The following ALMS1 variants were observed in gnomAD, a reference collection of about 807,000 sequenced individuals.
The protein encoded by ALMS1 is ALMS1 centrosome and basal body associated protein, also known as centrosome-associated protein ALMS1.
A neutral mutation model predicts 352.2 loss-of-function variants in ALMS1; 271 were observed. The observed-to-expected ratio is 0.77, with a 90% CI of 0.70 to 0.85. The LOEUF (loss-of-function observed/expected upper bound fraction) is 0.85. ALMS1 is among the 40% of genes least tolerant of loss of function. The pLI, the probability that ALMS1 is intolerant of heterozygous loss-of-function variation, is 0.00. For synonymous variants in ALMS1, 1,865 were observed against 1,761.2 expected (o/e 1.06, Z -1.48); for missense variants, 5,445 against 4,870.7 (o/e 1.12, Z -3.51).
At chr2:73,604,261 G>T (rs1675766283) in intron 21 of ALMS1, among the ~76,000 whole-genome samples, 1 of 152,166 alleles carries the variant, frequency 6.6e-6, no homozygotes, top group Non-Finnish European at 1.5e-5. Context: ...TGTTGAATGT[G>T]GTGGTACATT....
chr2:73,396,550 CTT>C (rs60473435), intron 1 of ALMS1, among the ~76,000 whole-genome samples: 1 of 78,258 alleles, frequency 1.3e-5, no homozygotes, highest in Non-Finnish European at 2.3e-5. Flanking sequence ...GGTCTGAGCT[CTT>C]TTTTTTTTTT....
At chr2:73,463,183 C>A (rs1458524023) in intron 9 of ALMS1, among the ~76,000 whole-genome samples, 1 of 152,204 alleles carries the variant, frequency 6.6e-6, no homozygotes, top group East Asian at 1.9e-4. Context: ...CGCACCTATT[C>A]CAAAACTGAC....
chr2:73,600,902 C>T (rs1327018994), intron 18 of ALMS1, 21 bp downstream of exon 18: 4 of 1,605,972 alleles, frequency 2.5e-6, no homozygotes, highest in Non-Finnish European at 3.4e-6. Context: ...CATTCCAGAT[C>T]TTGTAGTAGA....
In ALMS1 at chr2:73,452,603, A is replaced by G. The variant is rs191286546; in HGVS notation, c.6076A>G (p.Lys2026Glu). 52 of 1,614,116 alleles carry G rather than the reference A, an allele frequency of 3.2e-5. No homozygotes were observed. Among genetic ancestry groups the G allele is most frequent in the Middle Eastern group, 1.6e-4 (1 of 6,062 alleles). Residue 2026 changes from lysine (K) to glutamate (E), a missense_variant, in exon 8 of 23, where the codon AAG (lysine) becomes GAG (glutamate). Coordinates refer to ENST00000613296, the MANE Select transcript of ALMS1 (RefSeq NM_001378454.1). ...TTCCTACTCACAAATAGAGAAGCCC[A>G]AGATTTCAACTGTGATTGGACCAAA... Reference protein sequence around the residue: ...LSSYSQIEKPKISTVIGPNDQ... With the variant: ...LSSYSQIEKPEISTVIGPNDQ...
chr2:73,405,692 G>A (rs1670959028), intron 1 of ALMS1, among the ~76,000 whole-genome samples: 1 of 151,014 alleles, frequency 6.6e-6, no homozygotes, highest in South Asian at 2.1e-4. Flanking sequence ...TTTAAATATA[G>A]GCATTTACGA....
intron 10 of ALMS1, among the ~76,000 whole-genome samples, chr2:73,491,847 T>C (rs1187571424): frequency 6.6e-6 from 1 of 152,164 alleles, no homozygotes; most frequent in African/African-American, 2.4e-5. Flanking sequence ...TGCACACACA[T>C]ACATGGGTGC....
Position 73,453,703 on chromosome 2 carries a change from T to C in ALMS1, c.7176T>C (p.Pro2392=). The part of the protein sequence containing the change: ...QAAKSVMRSE[P]EGCSGTIGNK... ...CCAAATCTGTAATGAGGTCTGAACC[T>C]GAAGGGTGTAGTGGAACCATTGGGA... is the stretch of plus-strand genomic sequence containing the variant. The change falls in exon 8 of 23, where the codon CCT becomes CCC. Residue 2392 remains proline, a synonymous_variant. Transcript: ENST00000613296. 3.7e-6 allele frequency: 6 copies of C among 1,614,146 alleles called. No individual in the cohort carries two copies. The highest frequency in any genetic ancestry group is 5.1e-6 in the Non-Finnish European group (6 of 1,180,014).
In ALMS1 at chr2:73,609,676, T is replaced by C; in HGVS notation, c.*64T>C. ...TATGAACCTAGAGAAGCAGAATCCT[T>C]ACTTTTGTGAGTCTGGTTGAATAAA... On this transcript the variant is annotated 3_prime_UTR_variant, in exon 23 of 23. Coordinates refer to ENST00000613296, the MANE Select transcript of ALMS1 (RefSeq NM_001378454.1). 2 of 1,486,836 alleles carry C rather than the reference T, an allele frequency of 1.3e-6. No homozygotes were observed. Among genetic ancestry groups the C allele is most frequent in the South Asian group, 2.3e-5 (2 of 88,468 alleles). The allele number at this position is 1,486,836 out of a possible 1,614,324, so 92.1% of individuals were successfully genotyped here.
chr2:73,491,788 C>G (rs183244961), intron 10 of ALMS1, among the ~76,000 whole-genome samples: 1 of 152,156 alleles, frequency 6.6e-6, no homozygotes, highest in Admixed American at 6.5e-5. Context: ...GATACAATTA[C>G]GAATTTATTT....
At chr2:73,462,827 C>T (rs1672235762) in intron 9 of ALMS1, 2 of 152,040 alleles carry the variant, frequency 1.3e-5, no homozygotes, top group Non-Finnish European at 2.9e-5. Flanking sequence ...ATAAAACAAA[C>T]TTTAAACCAA....
intron 10 of ALMS1, among the ~76,000 whole-genome samples, chr2:73,499,797 T>A (rs1370116829): frequency 4.6e-5 from 7 of 152,160 alleles, no homozygotes; most frequent in Non-Finnish European, 5.9e-5. Flanking sequence ...GTGACCTCCC[T>A]GTGGTAATGA....
At chr2:73,556,820 A>G (rs955591661) in intron 13 of ALMS1, among the ~76,000 whole-genome samples, 1 of 151,982 alleles carries the variant, frequency 6.6e-6, no homozygotes, top group Non-Finnish European at 1.5e-5. Flanking sequence ...CTCCTGCATC[A>G]GCCTCCTGAG....
In ALMS1 at chr2:73,489,723, G is replaced by A. The variant is rs565248215; in HGVS notation, c.7764G>A (p.Arg2588=). ...IIESHEKGCF[R]TLTSEHPQLD... ...AGAGCCATGAAAAGGGATGTTTCCG[G>A]ACTCTAACTTCTGAACATCCACAAC... Residue 2588 remains arginine (R), a synonymous_variant, in exon 10 of 23, where the codon CGG becomes CGA. Coordinates refer to ENST00000613296, the MANE Select transcript of ALMS1 (RefSeq NM_001378454.1). 2.5e-5 allele frequency: 40 copies of A among 1,614,078 alleles called. No homozygotes were observed. The highest frequency in any genetic ancestry group is 4.0e-5 in the African/African-American group (3 of 75,022).
At chr2:73,464,802 GCAGA>G (rs941286443) in intron 9 of ALMS1, among the ~76,000 whole-genome samples, 1 of 152,046 alleles carries the variant, frequency 6.6e-6, no homozygotes, top group African/African-American at 2.4e-5. Flanking sequence ...TACACCAACA[GCAGA>G]CAAAGAGCGA....
At position 73,558,968 on chromosome 2, in the gene ALMS1, G is replaced by C; in HGVS notation, c.10214-4G>C. The C allele has an allele frequency of 6.2e-7, 1 of 1,613,638 alleles. No homozygotes were observed. Among genetic ancestry groups the C allele is most frequent in the Non-Finnish European group, 8.5e-7 (1 of 1,179,832 alleles). On this transcript the variant is annotated splice_region_variant and splice_polypyrimidine_tract_variant and intron_variant, in intron 14 of 22. Coordinates refer to ENST00000613296, the MANE Select transcript of ALMS1 (RefSeq NM_001378454.1). ...TGTATAGTGTGTTAATTTCCCTTTC[G>C]TAGATTCCAGTGCTGCTGCTGCTGC...
intron 16 of ALMS1, among the ~76,000 whole-genome samples, chr2:73,574,744 G>A (rs950250896): frequency 3.9e-5 from 6 of 152,062 alleles, no homozygotes; most frequent in African/African-American, 1.4e-4. Flanking sequence ...CCAGGAGAGG[G>A]TTTGTGTGTG....
rs779289652 is a variant in ALMS1, at chr2:73,449,961, C to T, written c.3434C>T (p.Ser1145Leu). ...CCAACTGTAACCTCAACTTCCTACT[C>T]ACAACATAGAGAAAAGCCCAGCATT... ...GTPTVTSTSYSQHREKPSIFH... is the reference protein window; with the variant it reads ...GTPTVTSTSYLQHREKPSIFH... Residue 1145 changes from serine to leucine, a missense_variant, in exon 8 of 23, where the codon TCA becomes TTA. By Grantham distance (145) the Ser-to-Leu change is moderately radical. Coordinates refer to ENST00000613296, the MANE Select transcript of ALMS1 (RefSeq NM_001378454.1). 2 of 1,613,960 alleles carry T rather than the reference C, an allele frequency of 1.2e-6. No homozygotes were observed. Among genetic ancestry groups the T allele is most frequent in the East Asian group, 2.2e-5 (1 of 44,874 alleles).
At position 73,489,882 on chromosome 2, in the gene ALMS1, A is replaced by G; in HGVS notation, c.7923A>G (p.Lys2641=). The change falls in exon 10 of 23, where the codon AAA becomes AAG. Residue 2641 remains lysine, a synonymous_variant. Transcript: ENST00000613296. ...TAGACCAGAACAACTCCCATTTCAA[A>G]GTTTGGAATTCCTTGCAGTTAAAAA... The part of the protein sequence containing the change: ...ASLDQNNSHF[K]VWNSLQLKSH... 6.2e-7 allele frequency: 1 copy of G among 1,614,192 alleles called. No homozygotes were observed. Among genetic ancestry groups the G allele is most frequent in the Non-Finnish European group, 8.5e-7 (1 of 1,180,012 alleles).
In ALMS1 at chr2:73,572,427, A is replaced by G. The variant is rs753393562; in HGVS notation, c.10550A>G (p.His3517Arg). Residue 3517 changes from histidine (H) to arginine (R), a missense_variant, in exon 16 of 23, where the codon CAT becomes CGT. By Grantham distance (29) the His-to-Arg change is conservative. Transcript: ENST00000613296. ...CATTCTTGGAAAGATTTCTTTCAGCATCATCCAGACAAACATAGAGAACAC... is the reference window on the plus strand; with the variant it reads ...CATTCTTGGAAAGATTTCTTTCAGCGTCATCCAGACAAACATAGAGAACAC... ...MRHSWKDFFQHHPDKHREHMC... is the reference protein window; with the variant it reads ...MRHSWKDFFQRHPDKHREHMC... The G allele has an allele frequency of 2.3e-5, 37 of 1,612,880 alleles. No individual in the cohort carries two copies. The highest frequency in any genetic ancestry group is 6.7e-5 in the Admixed American group (4 of 59,846).
Sources: gnomAD v4.1 joint callset for allele counts (sites outside exome capture counted in the v4.1 genomes callset) on GRCh38, gnomAD v4.1.1 for gene constraint, MANE v1.5 for transcripts, NCBI Gene and HGNC (gene_info 2026-07-23, HGNC 2026-07-21) for gene names.